Variants in DLG2 observed in about 807,000 individuals in gnomAD.
DLG2 encodes the protein discs large MAGUK scaffold protein 2.
A neutral mutation model predicts 132.5 loss-of-function variants in DLG2; 45 were observed. The ratio of observed to expected loss-of-function variants is 0.34; its 90% confidence interval spans 0.27 to 0.44. The LOEUF is 0.44. DLG2 is among the 20% of genes least tolerant of loss of function. The pLI, the probability that DLG2 is intolerant of heterozygous loss-of-function variation, is 1.00. For missense variants in DLG2, 1,045 were observed against 1,196.9 expected (o/e 0.87, Z 1.87); for synonymous variants, 424 against 419.6 (o/e 1.01, Z -0.13).
At chr11:84,264,408 A>T (rs2097585490) in intron 7 of DLG2, among the ~76,000 whole-genome samples, 1 of 152,150 alleles carries the variant, frequency 6.6e-6, no homozygotes, top group Non-Finnish European at 1.5e-5. Context: ...CTGCTTGTTC[A>T]GTTTACCTCC....
At chr11:83,601,273 G>A (rs1274221711) in intron 19 of DLG2, among the ~76,000 whole-genome samples, 4 of 151,982 alleles carry the variant, frequency 2.6e-5, no homozygotes, top group Non-Finnish European at 5.9e-5. Context: ...AAGAGTTGGG[G>A]GCATTATTCT....
intron 3 of DLG2, among the ~76,000 whole-genome samples, chr11:85,351,558 A>G (rs1393480840): frequency 6.6e-6 from 1 of 152,218 alleles, no homozygotes; most frequent in Non-Finnish European, 1.5e-5. Flanking sequence ...TGTCATAAAT[A>G]GCTCTTATTA....
rs558913884 is a variant in DLG2, at chr11:85,226,696, C to T, written c.186+58524G>A. ...GAAGACATGATGTGTTGGAGAGAAGCGTGATTCCTGTAAAATGAATTCAAA... is the reference window on the plus strand; with the variant it reads ...GAAGACATGATGTGTTGGAGAGAAGTGTGATTCCTGTAAAATGAATTCAAA... On this transcript the variant is annotated intron_variant, in intron 4 of 27. Coordinates refer to ENST00000376104, the MANE Select transcript of DLG2 (RefSeq NM_001142699.3). Among the ~76,000 whole-genome samples the T allele has an allele frequency of 5.9e-5, 9 of 152,156 alleles. No homozygotes were observed. In the East Asian group the frequency reaches 7.7e-4, roughly 13 times the overall value.
intron 7 of DLG2, chr11:84,316,913 C>T (rs569088235): frequency 4.3e-6 from 7 of 1,612,708 alleles, no homozygotes; most frequent in African/African-American, 4.0e-5. Context: ...GGGGCTTTTC[C>T]GCACACTGTC....
At chr11:85,604,623 G>C (rs2080397684) in intron 2 of DLG2, among the ~76,000 whole-genome samples, 1 of 151,290 alleles carries the variant, frequency 6.6e-6, no homozygotes, top group Admixed American at 6.6e-5. Context: ...TAAGACTCCT[G>C]AGTCTACAGG....
chr11:84,205,728 C>T (rs1566926321), intron 8 of DLG2, among the ~76,000 whole-genome samples: 1 of 151,846 alleles, frequency 6.6e-6, no homozygotes, highest in African/African-American at 2.4e-5. Flanking sequence ...GCCTTAAATG[C>T]TTGTAATGGA....
chr11:84,698,870 T>C (rs2058899330), intron 6 of DLG2, among the ~76,000 whole-genome samples: 1 of 151,644 alleles, frequency 6.6e-6, no homozygotes, highest in African/African-American at 2.4e-5. Context: ...AAATACATTG[T>C]TATTCAAATG....
chr11:83,866,656 A>G (rs1416819231), intron 16 of DLG2, among the ~76,000 whole-genome samples: 3 of 152,180 alleles, frequency 2.0e-5, no homozygotes, highest in East Asian at 3.9e-4. Flanking sequence ...TTTTAAACCC[A>G]TTTATTAAAA....
chr11:85,030,505 G>A (rs1352627141), intron 6 of DLG2, among the ~76,000 whole-genome samples: 2 of 152,142 alleles, frequency 1.3e-5, no homozygotes, highest in Admixed American at 6.5e-5. Flanking sequence ...TACAAGCAGT[G>A]ATCAAATTAT....
At chr11:83,854,077 T>C (rs1231393876) in intron 16 of DLG2, among the ~76,000 whole-genome samples, 1 of 152,152 alleles carries the variant, frequency 6.6e-6, no homozygotes, top group African/African-American at 2.4e-5. Flanking sequence ...ATTTCCTATA[T>C]GCTAATGATG....
At chr11:83,765,397 A>G (rs567626590) in intron 18 of DLG2, among the ~76,000 whole-genome samples, 1 of 152,376 alleles carries the variant, frequency 6.6e-6, no homozygotes, top group East Asian at 1.9e-4. Context: ...TGTCTTGAAA[A>G]GGAGAAATAT....
intron 4 of DLG2, among the ~76,000 whole-genome samples, chr11:85,159,648 A>G (rs1418574380): frequency 1.3e-5 from 2 of 152,210 alleles, no homozygotes; most frequent in Non-Finnish European, 2.9e-5. Context: ...GCTGTACCAG[A>G]TATGGTATCA....
intron 6 of DLG2, among the ~76,000 whole-genome samples, chr11:84,739,386 C>A (rs917883971): frequency 2.0e-5 from 3 of 152,080 alleles, no homozygotes; most frequent in Non-Finnish European, 4.4e-5. Context: ...TGATGACTCC[C>A]TACTTTGTTA....
chr11:83,882,044 T>C (rs1229921163), intron 15 of DLG2, among the ~76,000 whole-genome samples: 3 of 152,088 alleles, frequency 2.0e-5, no homozygotes, highest in Admixed American at 6.6e-5. Flanking sequence ...TTTAAAGAAA[T>C]CCAGCATGGA....
At chr11:84,422,333 C>G (rs139146743) in intron 7 of DLG2, among the ~76,000 whole-genome samples, 35 of 152,234 alleles carry the variant, frequency 2.3e-4, no homozygotes, top group African/African-American at 8.4e-4. Context: ...CCTCAGAGAT[C>G]TTAATTATGA....
intron 18 of DLG2, among the ~76,000 whole-genome samples, chr11:83,775,081 A>G (rs1325752182): frequency 6.6e-6 from 1 of 152,142 alleles, no homozygotes; most frequent in Non-Finnish European, 1.5e-5. Context: ...CTCCTAATCC[A>G]GGCCCTACTC....
chr11:84,409,776 T>G (rs1261708065), intron 7 of DLG2, among the ~76,000 whole-genome samples: 1 of 152,236 alleles, frequency 6.6e-6, no homozygotes, highest in African/African-American at 2.4e-5. Flanking sequence ...TTAGTTTTAG[T>G]GCAATTATCT....
chr11:83,655,179 G>C (rs773135347), intron 18 of DLG2, among the ~76,000 whole-genome samples: 1 of 152,146 alleles, frequency 6.6e-6, no homozygotes, highest in Non-Finnish European at 1.5e-5. Context: ...GGGCATTACA[G>C]TTTAAAAACA....
chr11:83,985,882 A>G (rs1412004641), intron 11 of DLG2, among the ~76,000 whole-genome samples: 3 of 152,062 alleles, frequency 2.0e-5, no homozygotes, highest in Middle Eastern at 3.4e-3. Flanking sequence ...CAGTGATGGG[A>G]TTGCTAGGTT....
Sources: gnomAD v4.1 joint callset for allele counts (sites outside exome capture counted in the v4.1 genomes callset) on GRCh38, gnomAD v4.1.1 for gene constraint, MANE v1.5 for transcripts, NCBI Gene and HGNC (gene_info 2026-07-23, HGNC 2026-07-21) for gene names.